Variants in APP observed in about 807,000 individuals in gnomAD.
APP encodes the protein amyloid beta precursor protein.
In APP, 31 loss-of-function variants were observed where a neutral mutation model predicts 101.4. That is an observed-to-expected ratio of 0.31 (90% CI 0.23 to 0.41). The LOEUF is 0.41. Ranked by LOEUF, APP falls within the 10% of genes least tolerant of loss-of-function variation. The pLI is 1.00. For missense variants in APP, 839 were observed against 1,003.7 expected, an observed-to-expected ratio of 0.84 and a Z score of 2.22; for synonymous variants, 366 against 364.4, an observed-to-expected ratio of 1.00 and a Z score of -0.05.
At chr21:26,077,518 C>G (rs1267231492) in intron 3 of APP, among the ~76,000 whole-genome samples, 3 of 152,150 alleles carry the variant, frequency 2.0e-5, no homozygotes, top group African/African-American at 7.2e-5. Flanking sequence ...GCCTCATTTT[C>G]TATGCATCCA....
At chr21:26,063,954 C>T (rs2146007394) in intron 3 of APP, among the ~76,000 whole-genome samples, 1 of 152,278 alleles carries the variant, frequency 6.6e-6, no homozygotes, top group African/African-American at 2.4e-5. Flanking sequence ...AACACGTACC[C>T]TTGATATGAT....
chr21:26,013,980 C>T (rs566717392), intron 6 of APP, among the ~76,000 whole-genome samples: 2 of 151,920 alleles, frequency 1.3e-5, no homozygotes, highest in East Asian at 3.9e-4. Flanking sequence ...TCAGTGCTGA[C>T]ACTAGTTCTC....
chr21:26,139,245 A>C (rs144627244), intron 1 of APP, among the ~76,000 whole-genome samples: 2 of 152,366 alleles, frequency 1.3e-5, no homozygotes, highest in East Asian at 3.9e-4. Context: ...CAAAGAATCA[A>C]GGTCCCCAGA....
chr21:26,145,818 T>C (rs1245641548), intron 1 of APP, among the ~76,000 whole-genome samples: 4 of 152,238 alleles, frequency 2.6e-5, no homozygotes, highest in African/African-American at 9.6e-5. Context: ...GCATTCTGAA[T>C]GTTTTCACTT....
chr21:26,113,689 T>C (rs73168372), intron 1 of APP, among the ~76,000 whole-genome samples: 14,531 of 152,264 alleles, frequency 0.095, 887 homozygotes, highest in Admixed American at 0.15. Context: ...TGCCACTTCC[T>C]GTGACTTCCA....
At position 25,940,465 on chromosome 21, in the gene APP, C is replaced by T. The variant is rs17001536; in HGVS notation, c.1687+14125G>A. On this transcript the variant is annotated intron_variant, in intron 13 of 17. Coordinates refer to ENST00000346798, the MANE Select transcript of APP (RefSeq NM_000484.4). ...TTCACCTATCCTTATCATGACAAGGCATAACAGATTTTTAAAAAACTACCA... is the reference window on the plus strand; with the variant it reads ...TTCACCTATCCTTATCATGACAAGGTATAACAGATTTTTAAAAAACTACCA... Among the ~76,000 whole-genome samples, 508 of 152,210 alleles carry T rather than the reference C, an allele frequency of 3.3e-3. 3 individuals carry two copies. Among genetic ancestry groups the T allele is most frequent in the African/African-American group, 0.011 (471 of 41,532 alleles).
intron 17 of APP, among the ~76,000 whole-genome samples, chr21:25,886,089 A>T (rs181208922): frequency 1.3e-5 from 2 of 152,234 alleles, no homozygotes; most frequent in African/African-American, 4.8e-5. Flanking sequence ...ATTGAGATGG[A>T]CCAGACGAGT....
chr21:25,909,614 C>T (rs1013191162), intron 14 of APP, among the ~76,000 whole-genome samples: 7 of 152,186 alleles, frequency 4.6e-5, no homozygotes, highest in African/African-American at 1.7e-4. Context: ...CGTGTGCACG[C>T]AGATTTTCTC....
intron 1 of APP, among the ~76,000 whole-genome samples, chr21:26,146,937 CCA>C (rs386817489): frequency 0.018 from 2,684 of 152,258 alleles, 78 homozygotes; most frequent in African/African-American, 0.06. Flanking sequence ...TAACCCAACA[CCA>C]TTAACTAAAT....
At chr21:26,150,486 T>C (rs374965) in intron 1 of APP, among the ~76,000 whole-genome samples, 68,922 of 151,956 alleles carry the variant, frequency 0.45, 16,854 homozygotes, top group African/African-American at 0.65. Context: ...GGGTAGCATA[T>C]TCTGATCCCC....
chr21:26,116,651 G>C, intron 1 of APP, among the ~76,000 whole-genome samples: 1 of 152,210 alleles, frequency 6.6e-6, no homozygotes, highest in Admixed American at 6.5e-5. Context: ...AGTGAACAAG[G>C]AGCTCTCTGT....
chr21:26,016,845 T>C (rs1418811126), intron 6 of APP, among the ~76,000 whole-genome samples: 2 of 151,194 alleles, frequency 1.3e-5, no homozygotes, highest in East Asian at 3.9e-4. Context: ...GCTGGGATTA[T>C]AGGCATGAGC....
At chr21:25,954,013 C>T (rs2041204535) in intron 13 of APP, among the ~76,000 whole-genome samples, 2 of 152,144 alleles carry the variant, frequency 1.3e-5, no homozygotes, top group Non-Finnish European at 2.9e-5. Flanking sequence ...TAAGTTTAAA[C>T]AATGATGTGG....
intron 5 of APP, among the ~76,000 whole-genome samples, chr21:26,034,591 A>G (rs2027600): frequency 0.93 from 137,712 of 148,202 alleles, 64,255 homozygotes; most frequent in South Asian, 0.97. Context: ...GCAGTGAGCC[A>G]AGATCATGCC....
intron 1 of APP, among the ~76,000 whole-genome samples, chr21:26,155,075 A>C (rs1211654530): frequency 6.6e-6 from 1 of 152,186 alleles, no homozygotes; most frequent in Non-Finnish European, 1.5e-5. Flanking sequence ...ACATGGTGAA[A>C]TCTCATCCCT....
chr21:26,032,640 A>G (rs1235007342), intron 5 of APP, among the ~76,000 whole-genome samples: 2 of 152,196 alleles, frequency 1.3e-5, no homozygotes, highest in Non-Finnish European at 2.9e-5. Flanking sequence ...ACATGATAAG[A>G]GTTAAATACT....
chr21:25,900,924 T>C (rs2038415132), intron 15 of APP, among the ~76,000 whole-genome samples: 2 of 27,350 alleles, frequency 7.3e-5, no homozygotes, highest in Admixed American at 4.1e-4. Flanking sequence ...GAGGCAGAGC[T>C]TGCAGTGAGC....
rs1415154100 is a variant in APP at position 26,007,146 on chromosome 21, T to G, written c.866-6964A>C. Reference sequence around the variant, plus strand: ...CTACTTAAACTTCACATAATACAACTATTTCTCCTTTCTGACAGAAATTCC... The same window carrying G: ...CTACTTAAACTTCACATAATACAACGATTTCTCCTTTCTGACAGAAATTCC... On this transcript the variant is annotated intron_variant, in intron 6 of 17. Coordinates refer to ENST00000346798, the MANE Select transcript of APP (RefSeq NM_000484.4). Among the ~76,000 whole-genome samples the G allele has an allele frequency of 2.6e-5, 4 of 151,990 alleles. No homozygotes were observed. In the East Asian group the frequency reaches 7.7e-4, roughly 29 times the overall value.
chr21:26,117,788 T>C (rs960641435), intron 1 of APP, among the ~76,000 whole-genome samples: 35 of 152,188 alleles, frequency 2.3e-4, no homozygotes, highest in Admixed American at 8.5e-4. Flanking sequence ...TTGTGGAGAG[T>C]TGCCACATCT....
Sources: gnomAD v4.1 joint callset for allele counts (sites outside exome capture counted in the v4.1 genomes callset) on GRCh38, gnomAD v4.1.1 for gene constraint, MANE v1.5 for transcripts, NCBI Gene and HGNC (gene_info 2026-07-23, HGNC 2026-07-21) for gene names.